Variants in AKR1E2 observed in about 807,000 individuals in gnomAD.
AKR1E2 encodes aldo-keto reductase family 1 member E2, also known as 1,5-anhydro-D-fructose reductase.
A neutral mutation model predicts 41.9 loss-of-function variants in AKR1E2; 43 were observed. The ratio of observed to expected loss-of-function variants is 1.03; its 90% CI spans 0.80 to 1.32. The LOEUF (loss-of-function observed/expected upper bound fraction) is 1.32. AKR1E2 is among the 40% of genes most tolerant of loss of function. The pLI is 0.00. For synonymous variants in AKR1E2, 121 were observed against 138.9 expected (o/e 0.87, Z 0.91); for missense variants, 423 against 396.5 (o/e 1.07, Z -0.57).
the AKR1E2 span, among the ~76,000 whole-genome samples, chr10:4,873,211 C>G: frequency 6.6e-6 from 1 of 152,190 alleles, no homozygotes; most frequent in African/African-American, 2.4e-5. Flanking sequence ...TTTCTCTACA[C>G]AGGCTCTCTT....
chr10:4,872,621 C>G, the AKR1E2 span, among the ~76,000 whole-genome samples: 1 of 152,148 alleles, frequency 6.6e-6, no homozygotes, highest in Non-Finnish European at 1.5e-5. Flanking sequence ...TCTGTTACCC[C>G]TACCCTGTTT....
the AKR1E2 span, among the ~76,000 whole-genome samples, chr10:4,865,443 A>G: frequency 6.6e-6 from 1 of 152,218 alleles, no homozygotes; most frequent in Non-Finnish European, 1.5e-5. Context: ...TATAATAGAT[A>G]GTAAACATTG....
At chr10:4,828,425 C>A (rs1387526204) in intron 1 of AKR1E2, among the ~76,000 whole-genome samples, 1 of 152,198 alleles carries the variant, frequency 6.6e-6, no homozygotes, top group East Asian at 1.9e-4. Context: ...TACTACAGTT[C>A]CTTGATAAGC....
chr10:4,835,884 C>G, intron 4 of AKR1E2, 75 bp downstream of exon 4: 2 of 1,562,144 alleles, frequency 1.3e-6, no homozygotes, highest in Non-Finnish European at 1.7e-6. Context: ...CCCTGAGCTG[C>G]TTGTGTTCAA....
chr10:4,842,451 G>A lies in AKR1E2; in HGVS notation c.784G>A (p.Val262Met), dbSNP rs1833967104. 4 of 1,614,214 alleles carry A rather than the reference G, an allele frequency of 2.5e-6. No homozygotes were observed. Among genetic ancestry groups the A allele is most frequent in the South Asian group, 1.1e-5 (1 of 91,088 alleles). Residue 262 changes from valine (V) to methionine (M), a missense_variant, in exon 8 of 10, where the codon GTG becomes ATG. By Grantham distance (21) the Val-to-Met change is conservative. Transcript: ENST00000298375. ...GATCCGATTTCAAATCCAGAGGAAT[G>A]TGATAGTGATCCCCGGATCTATCAC... ...ILIRFQIQRNVIVIPGSITPS... is the reference protein window; with the variant it reads ...ILIRFQIQRNMIVIPGSITPS...
intron 8 of AKR1E2, chr10:4,846,020 C>G: frequency 2.6e-6 from 1 of 382,988 alleles, no homozygotes; most frequent in Non-Finnish European, 5.2e-6. Flanking sequence ...CCCCTGTGGC[C>G]CCAGTGCCGC....
At chr10:4,844,174 G>C (rs1588479096) in intron 8 of AKR1E2, among the ~76,000 whole-genome samples, 1 of 152,188 alleles carries the variant, frequency 6.6e-6, no homozygotes, top group African/African-American at 2.4e-5. Context: ...TGTGTTCGGA[G>C]TTTCTTCCTT....
At position 4,847,824 on chromosome 10, in the gene AKR1E2, A is replaced by T; in HGVS notation, c.*294A>T. ...ATTTTAAGAAAACTTTATCTTATGGAGTTATTTAAGCCATCTACAGAGCTG... is the reference window on the plus strand; with the variant it reads ...ATTTTAAGAAAACTTTATCTTATGGTGTTATTTAAGCCATCTACAGAGCTG... On this transcript the variant is annotated 3_prime_UTR_variant, in exon 10 of 10. Transcript: ENST00000298375. 2.4e-6 allele frequency: 1 copy of T among 415,122 alleles called. No individual in the cohort carries two copies. The highest frequency in any genetic ancestry group is 4.2e-5 in the East Asian group (1 of 23,624). 25.7% of individuals were successfully genotyped at this position (415,122 alleles called of 1,614,324 possible). A position where few individuals can be genotyped will look rare whatever the true frequency, so the allele number is the denominator to read the frequency against.
At chr10:4,836,497 G>A (rs1336540720) in intron 4 of AKR1E2, among the ~76,000 whole-genome samples, 2 of 152,170 alleles carry the variant, frequency 1.3e-5, no homozygotes, top group Non-Finnish European at 2.9e-5. Flanking sequence ...CATGTGGGAT[G>A]GGACATCACA....
chr10:4,847,172 C>A lies in AKR1E2; in HGVS notation c.862C>A (p.His288Asn), dbSNP rs746072393. 1 of 1,614,180 alleles carries A rather than the reference C, an allele frequency of 6.2e-7. No homozygotes were observed. Among genetic ancestry groups the A allele is most frequent in the Non-Finnish European group, 8.5e-7 (1 of 1,180,028 alleles). ...GGTGTTTGATTTTGAATTAACACAG[C>A]ACGATATGGATAACATCCTCAGCCT... ...IQVFDFELTQ[H>N]DMDNILSLNR... is the part of the protein sequence containing the mutation. Residue 288 changes from histidine (H) to asparagine (N), a missense_variant, in exon 9 of 10, where the codon CAC (histidine) becomes AAC (asparagine). Transcript: ENST00000298375.
chr10:4,863,727 G>A, the AKR1E2 span, among the ~76,000 whole-genome samples: 1 of 114,578 alleles, frequency 8.7e-6, no homozygotes, highest in Non-Finnish European at 1.9e-5. Context: ...GACTAATAAA[G>A]AAGAAAAGAA....
chr10:4,829,412 C>T (rs975586999), intron 1 of AKR1E2, among the ~76,000 whole-genome samples: 76 of 152,120 alleles, frequency 5.0e-4, no homozygotes, highest in Non-Finnish European at 7.8e-4. Context: ...AATTTTGCAA[C>T]GGTATTCATG....
downstream of AKR1E2, among the ~76,000 whole-genome samples, chr10:4,851,602 A>C (rs916119633): frequency 2.0e-5 from 3 of 152,072 alleles, no homozygotes; most frequent in Admixed American, 1.3e-4. Flanking sequence ...GCTAGTACTA[A>C]CTCGATGCTT....
At chr10:4,864,534 C>T in the AKR1E2 span, among the ~76,000 whole-genome samples, 1 of 151,726 alleles carries the variant, frequency 6.6e-6, no homozygotes, top group Non-Finnish European at 1.5e-5. Context: ...GGAAGCATTC[C>T]CTTTGAAAAC....
intron 1 of AKR1E2, 25 bp from the exon 2 acceptor site, chr10:4,830,650 A>G (rs758045019): frequency 2.5e-5 from 40 of 1,611,888 alleles, no homozygotes; most frequent in Non-Finnish European, 3.1e-5. Flanking sequence ...CTGTGAGAAG[A>G]CACTTTGTTT....
At chr10:4,836,520 G>A (rs1353934844) in intron 4 of AKR1E2, among the ~76,000 whole-genome samples, 4 of 152,334 alleles carry the variant, frequency 2.6e-5, no homozygotes, top group Middle Eastern at 3.4e-3. Flanking sequence ...TGAGGCCCAA[G>A]AAGAAAGTAA....
intron 8 of AKR1E2, among the ~76,000 whole-genome samples, chr10:4,844,573 C>A (rs1004527661): frequency 1.3e-5 from 2 of 152,106 alleles, no homozygotes; most frequent in African/African-American, 4.8e-5. Flanking sequence ...CTGATTGGTG[C>A]ATTTACAATC....
At chr10:4,851,227 A>G (rs957291428), downstream of AKR1E2, among the ~76,000 whole-genome samples, 16 of 152,122 alleles carry the variant, frequency 1.1e-4, no homozygotes, top group African/African-American at 2.4e-5. Flanking sequence ...TATGCAGCAT[A>G]TTTTCACAGG....
chr10:4,846,123 G>A (rs948694444), intron 8 of AKR1E2: 34 of 306,230 alleles, frequency 1.1e-4, no homozygotes, highest in Middle Eastern at 1.2e-3. Context: ...CGCCTACCCC[G>A]GCCCCAGCAC....
Sources: allele counts gnomAD v4.1 joint callset (sites outside exome capture counted in the v4.1 genomes callset), GRCh38; gene constraint gnomAD v4.1.1; transcripts MANE v1.5; gene names NCBI Gene and HGNC (gene_info 2026-07-23, HGNC 2026-07-21).